Variants in IRX2 observed in about 807,000 individuals in gnomAD.
IRX2 encodes the protein iroquois-class homeodomain protein IRX-2.
A neutral mutation model predicts 42.9 loss-of-function variants in IRX2; 26 were observed. That is an observed-to-expected ratio of 0.61 (90% CI 0.44 to 0.84). The LOEUF is 0.84. Among genes scored for constraint, IRX2 ranks in the 40% least tolerant of loss-of-function variants. The pLI is 0.00. For missense variants in IRX2, 782 were observed against 713.9 expected, an observed-to-expected ratio of 1.10 and a Z score of -1.09; for synonymous variants, 424 against 353.9, an observed-to-expected ratio of 1.20 and a Z score of -2.22.
rs1403039474 is a variant in IRX2, at chr5:2,748,599, G to C, written c.1109C>G (p.Ser370Trp). ...PASTGAPPGG[S>W]PYPASPLLGR... ...CAGCAGCGGCGAGGCAGGGTAGGGCGAGCCTCCTGGCGGTGCCCCGGTTGA... is the reference window on the plus strand; with the variant it reads ...CAGCAGCGGCGAGGCAGGGTAGGGCCAGCCTCCTGGCGGTGCCCCGGTTGA... The change falls in exon 3 of 4, where the codon TCG (serine) becomes TGG (tryptophan). Residue 370 changes from serine (S) to tryptophan (W), a missense_variant. Transcript: ENST00000302057. 5 of 1,544,290 alleles carry C rather than the reference G, an allele frequency of 3.2e-6. No homozygotes were observed. Among genetic ancestry groups the C allele is most frequent in the Non-Finnish European group, 4.4e-6 (5 of 1,148,648 alleles).
Position 2,748,633 on chromosome 5 carries a change from C to T in IRX2, c.1075G>A (p.Ala359Thr). 2.1e-6 allele frequency: 3 copies of T among 1,445,854 alleles called. No individual in the cohort carries two copies. The highest frequency in any genetic ancestry group is 1.8e-6 in the Non-Finnish European group (2 of 1,102,160). 89.6% of individuals were successfully genotyped at this position (1,445,854 alleles called of 1,614,324 possible). The part of the protein sequence containing the change: ...CGPPGLPAAA[A>T]PASTGAPPGG... ...GGCGGTGCCCCGGTTGAGGCCGGCG[C>T]GGCGGCCGCGGGCAGCCCCGGTGGC... The change falls in exon 3 of 4, where the codon GCG becomes ACG. Residue 359 changes from alanine to threonine, a missense_variant. By Grantham distance (58) the Ala-to-Thr change is moderately conservative. Transcript: ENST00000302057.
Position 2,749,701 on chromosome 5 carries a change from G to C in IRX2, c.336C>G (p.Leu112=), listed in dbSNP as rs138413279. The change falls in exon 2 of 4, where the codon CTC becomes CTG. Residue 112 remains leucine (L), a synonymous_variant. Coordinates refer to ENST00000302057, the MANE Select transcript of IRX2 (RefSeq NM_033267.5). ...PYGSAAYPYQ[L]NDPAYRKNAT... ...CGTTCTTGCGGTACGCGGGGTCGTT[G>C]AGCTGGTACGGGTAGGCCGCGCTGC... 267 of 1,614,124 alleles carry C rather than the reference G, an allele frequency of 1.7e-4. 1 individual carries two copies. The African/African-American group carries it at 3.2e-3, about 19-fold the overall frequency.
chr5:2,738,021 G>A, the IRX2 span, among the ~76,000 whole-genome samples: 1 of 152,166 alleles, frequency 6.6e-6, no homozygotes, highest in Non-Finnish European at 1.5e-5. Flanking sequence ...TGTTTGCACT[G>A]GAAAGTTGGG....
chr5:2,741,273 C>G (rs531211745), downstream of IRX2, among the ~76,000 whole-genome samples: 1 of 152,226 alleles, frequency 6.6e-6, no homozygotes, highest in Non-Finnish European at 1.5e-5. Context: ...GGCCTCAGAC[C>G]TGTGGCTGCT....
At chr5:2,742,794 G>A (rs1215302569), downstream of IRX2, among the ~76,000 whole-genome samples, 2 of 152,092 alleles carry the variant, frequency 1.3e-5, no homozygotes, top group African/African-American at 4.8e-5. Flanking sequence ...CCACAAATTT[G>A]TTTGGAACAA....
chr5:2,743,624 C>T (rs544724738), downstream of IRX2, among the ~76,000 whole-genome samples: 2 of 152,222 alleles, frequency 1.3e-5, no homozygotes, highest in Non-Finnish European at 2.9e-5. Context: ...CCCGTTTTGC[C>T]GACGTCTCCC....
chr5:2,740,524 A>G, the IRX2 span, among the ~76,000 whole-genome samples: 1 of 152,114 alleles, frequency 6.6e-6, no homozygotes, highest in Non-Finnish European at 1.5e-5. Flanking sequence ...AGCCCTTCCC[A>G]AATCGGACAG....
At chr5:2,748,235 G>A in intron 3 of IRX2, 110 bp downstream of exon 3, 1 of 987,778 alleles carries the variant, frequency 1.0e-6, no homozygotes, top group East Asian at 3.3e-5. Context: ...TCCCAGGAGT[G>A]GCCCCCTGGA....
chr5:2,738,471 T>G, the IRX2 span, among the ~76,000 whole-genome samples: 1 of 152,164 alleles, frequency 6.6e-6, no homozygotes, highest in African/African-American at 2.4e-5. Flanking sequence ...TCATCCTGGG[T>G]ACCAAGGAGC....
At chr5:2,748,321 C>CGCCGCCG (rs1397991980) in intron 3 of IRX2, 24 bp downstream of exon 3, 63 of 1,380,884 alleles carry the variant, frequency 4.6e-5, no homozygotes, top group Non-Finnish European at 5.7e-5. Context: ...CCCTCCCGGG[C>CGCCGCCG]GCCGCCGGCC....
chr5:2,751,050 C>T lies in IRX2; in HGVS notation c.249+115G>A. 8.7e-7 allele frequency: 1 copy of T among 1,144,736 alleles called. No homozygotes were observed. 70.9% of individuals were successfully genotyped at this position (1,144,736 alleles called of 1,614,324 possible). A position where few individuals can be genotyped will look rare whatever the true frequency, so the allele number is the denominator to read the frequency against. On this transcript the variant is annotated intron_variant, in intron 1 of 3. Transcript: ENST00000302057. This position sits in a 1 kb window ranked among gnomAD's most constrained non-coding sequence, Gnocchi z 4.0. ...AACCGAGCCGGCGACTCCTGAGTCG[C>T]CAGCCGCGCCACATTCCCGGCGGCC...
the IRX2 span, chr5:2,736,536 T>C: frequency 7.9e-4 from 121 of 152,374 alleles, no homozygotes; most frequent in Non-Finnish European, 1.3e-3. Context: ...TATTTTTATT[T>C]CTTACATTTG....
intron 1 of IRX2, among the ~76,000 whole-genome samples, 184 bp downstream of exon 1, chr5:2,750,981 G>A (rs888617936): frequency 1.3e-5 from 2 of 151,706 alleles, no homozygotes; most frequent in East Asian, 1.9e-4. Context: ...CGCCTGCCGC[G>A]CTGCCCTCCC....
Position 2,748,464 on chromosome 5 carries a change from G to T in IRX2, c.1244C>A (p.Ala415Glu). ...QGLLRYNSAA[A>E]APGEALHTAP... is the part of the protein sequence containing the mutation. ...GGTGTGCAGGGCCTCGCCGGGGGCC[G>T]CGGCCGCAGAGTTGTACCGCAGGAG... Residue 415 changes from alanine (A) to glutamate (E), a missense_variant, in exon 3 of 4, where the codon GCG becomes GAG. This residue lies in a region of IRX2 where 520 missense variants were observed against 437.8 expected (regional missense o/e 1.19). Transcript: ENST00000302057. The T allele has an allele frequency of 6.4e-7, 1 of 1,571,392 alleles. No homozygotes were observed. The highest frequency in any genetic ancestry group is 8.6e-7 in the Non-Finnish European group (1 of 1,162,316).
rs772710945 is a variant in IRX2, at chr5:2,749,485, G to T, written c.552C>A (p.Asn184Lys). 6.2e-7 allele frequency: 1 copy of T among 1,614,198 alleles called. No individual in the cohort carries two copies. The highest frequency in any genetic ancestry group is 8.5e-7 in the Non-Finnish European group (1 of 1,180,036). ...CGTCCTCGTCCTCATCTTCGCTTTT[G>T]TTTCTCGGGGCCCAGGTCATCTTGT... ...KENKMTWAPR[N>K]KSEDEDEDEG... is the part of the protein sequence containing the mutation. The change falls in exon 2 of 4, where the codon AAC becomes AAA. Residue 184 changes from asparagine (N) to lysine (K), a missense_variant. This residue lies in a region of IRX2 where 520 missense variants were observed against 437.8 expected (regional missense o/e 1.19). Transcript: ENST00000302057.
At chr5:2,742,384 C>T (rs541303878), downstream of IRX2, among the ~76,000 whole-genome samples, 1 of 152,260 alleles carries the variant, frequency 6.6e-6, no homozygotes, top group South Asian at 2.1e-4. Flanking sequence ...TTATAATTAG[C>T]CTTTAAAATA....
the IRX2 span, among the ~76,000 whole-genome samples, chr5:2,739,583 G>A: frequency 6.6e-6 from 1 of 152,182 alleles, no homozygotes; most frequent in Non-Finnish European, 1.5e-5. Flanking sequence ...GCAGGAACCC[G>A]GGCGCTCGGC....
chr5:2,748,907 CTCG>C lies in IRX2; in HGVS notation c.798_800del (p.Asp266del). 15 of 1,596,300 alleles carry C rather than the reference CTCG, an allele frequency of 9.4e-6. No individual in the cohort carries two copies. The highest frequency in any genetic ancestry group is 1.3e-5 in the Non-Finnish European group (15 of 1,179,252). The stretch of plus-strand genomic sequence containing the variant: ...CCCGCTCGCCCTCCTCGTCGTCGTC[CTCG>C]TCGTCCTCCAGGTCGTCATACTTGT... On this transcript the variant is annotated inframe_deletion, in exon 3 of 4. Coordinates refer to ENST00000302057, the MANE Select transcript of IRX2 (RefSeq NM_033267.5).
Position 2,751,215 on chromosome 5 carries a change from G to T in IRX2, c.199C>A (p.Gln67Lys). The change falls in exon 1 of 4, where the codon CAG becomes AAG. Residue 67 changes from glutamine (Q) to lysine (K), a missense_variant. Physicochemically the swap from Gln to Lys is moderately conservative, Grantham distance 53. This residue lies in a region of IRX2 where 256 missense variants were observed against 250.0 expected (regional missense o/e 1.02). Coordinates refer to ENST00000302057, the MANE Select transcript of IRX2 (RefSeq NM_033267.5). This position sits in a 1 kb window ranked among gnomAD's most constrained non-coding sequence, Gnocchi z 4.0. ...QAATGFGSPLQYSADAAAAAA... is the reference protein window; with the variant it reads ...QAATGFGSPLKYSADAAAAAA... ...GCGGCGGCGGCGTCGGCCGAGTACT[G>T]CAGCGGGCTCCCGAAGCCGGTGGCC... 1.5e-6 allele frequency: 2 copies of T among 1,353,204 alleles called. No individual in the cohort carries two copies. Among genetic ancestry groups the T allele is most frequent in the Non-Finnish European group, 1.9e-6 (2 of 1,053,464 alleles). 83.8% of individuals were successfully genotyped at this position (1,353,204 alleles called of 1,614,324 possible).
Sources: allele counts gnomAD v4.1 joint callset (sites outside exome capture counted in the v4.1 genomes callset), GRCh38; gene constraint gnomAD v4.1.1; regional missense constraint gnomAD v4.1.1; non-coding constraint Gnocchi (gnomAD v3.1); transcripts MANE v1.5; gene names NCBI Gene and HGNC (gene_info 2026-07-23, HGNC 2026-07-21).